ENTREP2: variants seen among roughly 807,000 people sequenced by gnomAD.
The protein encoded by ENTREP2 is protein ENTREP2.
At chr15:29,532,304 CA>C in the ENTREP2 span, among the ~76,000 whole-genome samples, 1 of 152,166 alleles carries the variant, frequency 6.6e-6, no homozygotes, top group African/African-American at 2.4e-5. Flanking sequence ...ATATTTTACA[CA>C]TATTCTGCAT....
At chr15:29,431,805 G>A in the ENTREP2 span, among the ~76,000 whole-genome samples, 1 of 152,194 alleles carries the variant, frequency 6.6e-6, no homozygotes, top group Non-Finnish European at 1.5e-5. Context: ...AAAGGAGTGG[G>A]AGGTGGAGGC....
the ENTREP2 span, among the ~76,000 whole-genome samples, chr15:29,508,483 CA>C: frequency 5.3e-5 from 8 of 152,128 alleles, no homozygotes; most frequent in Non-Finnish European, 1.2e-4. Flanking sequence ...TGATGAACAC[CA>C]ATGCGAAAAT....
chr15:29,121,968 AGGG>A, the ENTREP2 span: 2 of 152,314 alleles, frequency 1.3e-5, no homozygotes, highest in Admixed American at 6.5e-5. Flanking sequence ...CACAAAGCCG[AGGG>A]AACAGCAGCG....
At chr15:29,485,792 C>T in the ENTREP2 span, among the ~76,000 whole-genome samples, 1 of 152,118 alleles carries the variant, frequency 6.6e-6, no homozygotes, top group African/African-American at 2.4e-5. Context: ...CAGGGAAATG[C>T]AAATCAAAAC....
At chr15:29,300,363 AT>A in the ENTREP2 span, among the ~76,000 whole-genome samples, 1 of 135,004 alleles carries the variant, frequency 7.4e-6, no homozygotes, top group Non-Finnish European at 1.6e-5. Flanking sequence ...GGGTGGGTAA[AT>A]GCATGGATGG....
the ENTREP2 span, among the ~76,000 whole-genome samples, chr15:29,636,251 G>A: frequency 2.6e-5 from 4 of 152,304 alleles, no homozygotes; most frequent in Middle Eastern, 6.8e-3. Flanking sequence ...TGCTGTGGAC[G>A]AGGGGCGTTT....
the ENTREP2 span, among the ~76,000 whole-genome samples, chr15:29,395,489 T>G: frequency 1.3e-5 from 2 of 151,868 alleles, no homozygotes; most frequent in Non-Finnish European, 2.9e-5. Flanking sequence ...GCCATTCTGA[T>G]GGGTAGGAAG....
At chr15:29,411,564 T>A in the ENTREP2 span, among the ~76,000 whole-genome samples, 1 of 152,220 alleles carries the variant, frequency 6.6e-6, no homozygotes. Flanking sequence ...TTGTGGGAGT[T>A]CACTACATGA....
chr15:29,290,379 T>A, the ENTREP2 span, among the ~76,000 whole-genome samples: 1 of 152,296 alleles, frequency 6.6e-6, no homozygotes, highest in East Asian at 1.9e-4. Flanking sequence ...CTCCTGCAGG[T>A]CTTGGGGACC....
chr15:29,354,531 C>T, the ENTREP2 span, among the ~76,000 whole-genome samples: 2 of 152,092 alleles, frequency 1.3e-5, no homozygotes, highest in Non-Finnish European at 2.9e-5. Context: ...AATGGAGACA[C>T]GTTCTAAGAC....
chr15:29,640,317 A>G, the ENTREP2 span, among the ~76,000 whole-genome samples: 2 of 152,316 alleles, frequency 1.3e-5, no homozygotes, highest in East Asian at 3.9e-4. Flanking sequence ...CTAGGGAAAC[A>G]TAGAAGATAT....
chr15:29,615,137 C>G, the ENTREP2 span, among the ~76,000 whole-genome samples: 18 of 151,628 alleles, frequency 1.2e-4, no homozygotes, highest in Non-Finnish European at 2.4e-4. Flanking sequence ...CACCACTCCT[C>G]TTCTCTCACA....
chr15:29,656,358 T>A, the ENTREP2 span, among the ~76,000 whole-genome samples: 1 of 152,078 alleles, frequency 6.6e-6, no homozygotes, highest in East Asian at 1.9e-4. Flanking sequence ...CCCGAGTAGC[T>A]GGGACTACAG....
chr15:29,413,578 C>A, the ENTREP2 span, among the ~76,000 whole-genome samples: 1 of 152,166 alleles, frequency 6.6e-6, no homozygotes, highest in East Asian at 1.9e-4. Context: ...AACAACTACA[C>A]AAAAATCTAC....
chr15:29,177,586 C>T, the ENTREP2 span, among the ~76,000 whole-genome samples: 1 of 152,128 alleles, frequency 6.6e-6, no homozygotes, highest in Non-Finnish European at 1.5e-5. Context: ...GGAAGATAGA[C>T]GCGGGGTCTG....
the ENTREP2 span, among the ~76,000 whole-genome samples, chr15:29,642,554 CATAT>C: frequency 2.7e-5 from 4 of 147,444 alleles, no homozygotes; most frequent in Admixed American, 6.8e-5. Flanking sequence ...CATATATACA[CATAT>C]ATATACTATA....
the ENTREP2 span, among the ~76,000 whole-genome samples, chr15:29,330,052 C>T: frequency 1.3e-5 from 2 of 152,082 alleles, no homozygotes; most frequent in Non-Finnish European, 2.9e-5. Flanking sequence ...AGAAAACTGC[C>T]AATCACTCCC....
chr15:29,597,862 C>T, the ENTREP2 span, among the ~76,000 whole-genome samples: 3 of 152,098 alleles, frequency 2.0e-5, no homozygotes, highest in South Asian at 6.2e-4. Context: ...TGGCTCATGT[C>T]TGTAATCCCA....
At chr15:29,377,752 C>T in the ENTREP2 span, among the ~76,000 whole-genome samples, 7 of 151,120 alleles carry the variant, frequency 4.6e-5, no homozygotes, top group Admixed American at 6.6e-5. Flanking sequence ...ACCCGGGTGG[C>T]AGAGGTTGCA....
Sources: allele counts gnomAD v4.1 joint callset (sites outside exome capture counted in the v4.1 genomes callset), GRCh38; gene constraint gnomAD v4.1.1; transcripts MANE v1.5; gene names NCBI Gene and HGNC (gene_info 2026-07-23, HGNC 2026-07-21).